The following PRKD1 variants were observed in gnomAD, a reference collection of about 807,000 sequenced individuals.
The protein encoded by PRKD1 is serine/threonine-protein kinase D1.
A neutral mutation model predicts 95.9 loss-of-function variants in PRKD1; 63 were observed. The ratio of observed to expected loss-of-function variants is 0.66; its 90% CI spans 0.54 to 0.81. The LOEUF (loss-of-function observed/expected upper bound fraction) is 0.81, where lower values mean the gene tolerates loss of function less well. PRKD1 is among the 30% of genes least tolerant of loss of function. PRKD1 has a pLI of 0.00. For missense variants in PRKD1, 1,048 were observed against 1,165.3 expected (o/e 0.90, Z 1.47); for synonymous variants, 425 against 423.1 (o/e 1.00, Z -0.05).
intron 1 of PRKD1, among the ~76,000 whole-genome samples, chr14:29,732,819 C>T (rs916615861): frequency 7.4e-5 from 11 of 149,120 alleles, no homozygotes; most frequent in African/African-American, 2.7e-4. Context: ...GTTATCTGTT[C>T]CCCTGTATGC....
Position 29,849,518 on chromosome 14 carries a change from G to C in PRKD1, c.264+77731C>G, listed in dbSNP as rs995006375. On this transcript the variant is annotated intron_variant, in intron 1 of 17. Coordinates refer to ENST00000331968, the MANE Select transcript of PRKD1 (RefSeq NM_002742.3). ...TGAATCAGGAAGAAACTGAAACTCT[G>C]AACAGAACATGAGTTAAAAAACTGA... is the stretch of plus-strand genomic sequence containing the variant. Among the ~76,000 whole-genome samples, 22 of 151,288 alleles carry C rather than the reference G, an allele frequency of 1.5e-4. No homozygotes were observed. In the East Asian group the frequency reaches 3.9e-3, roughly 27 times the overall value.
intron 1 of PRKD1, among the ~76,000 whole-genome samples, chr14:29,836,589 G>A (rs1891620160): frequency 6.6e-6 from 1 of 152,134 alleles, no homozygotes; most frequent in South Asian, 2.1e-4. Context: ...CGTGTGAGTA[G>A]GCAGTGGGAA....
chr14:29,795,785 G>A (rs924502657), intron 1 of PRKD1, among the ~76,000 whole-genome samples: 5 of 152,024 alleles, frequency 3.3e-5, no homozygotes, highest in African/African-American at 1.2e-4. Flanking sequence ...ACATTTTCAT[G>A]CCCAAAAATA....
At chr14:29,603,200 A>G (rs1210856099) in intron 13 of PRKD1, among the ~76,000 whole-genome samples, 4 of 152,216 alleles carry the variant, frequency 2.6e-5, no homozygotes, top group African/African-American at 9.6e-5. Flanking sequence ...CCCAAAGTAC[A>G]TATTGAATGA....
chr14:29,624,562 T>C (rs1879490320), intron 12 of PRKD1, among the ~76,000 whole-genome samples: 1 of 152,132 alleles, frequency 6.6e-6, no homozygotes, highest in South Asian at 2.1e-4. Flanking sequence ...AGTTACTTAG[T>C]ATAGAAAATA....
chr14:29,659,235 A>G (rs1257707088), intron 4 of PRKD1, among the ~76,000 whole-genome samples: 1 of 152,180 alleles, frequency 6.6e-6, no homozygotes, highest in Non-Finnish European at 1.5e-5. Flanking sequence ...TGAACTTCAT[A>G]TACTGGATTC....
chr14:29,863,688 T>A (rs895340198), intron 1 of PRKD1, among the ~76,000 whole-genome samples: 6 of 152,096 alleles, frequency 3.9e-5, no homozygotes, highest in Non-Finnish European at 7.4e-5. Context: ...TTAACCAAAG[T>A]ACATGAGGAA....
intron 13 of PRKD1, among the ~76,000 whole-genome samples, chr14:29,613,930 T>A (rs564944723): frequency 6.6e-6 from 1 of 152,230 alleles, no homozygotes; most frequent in Non-Finnish European, 1.5e-5. Flanking sequence ...TTTGTATCCC[T>A]ACTATGTGGA....
At position 29,584,997 on chromosome 14, in the gene PRKD1, T is replaced by C. The variant is rs535870717; in HGVS notation, c.2435-6637A>G. On this transcript the variant is annotated intron_variant, in intron 16 of 17. Transcript: ENST00000331968. ...AAATAGAAACCAGATAGAACAATCATTCTGGTGATAGAGCCTTCGCCAATC... is the reference window on the plus strand; with the variant it reads ...AAATAGAAACCAGATAGAACAATCACTCTGGTGATAGAGCCTTCGCCAATC... Among the ~76,000 whole-genome samples the C allele has an allele frequency of 3.3e-5, 5 of 152,256 alleles. No homozygotes were observed. The South Asian group carries it at 1.0e-3, about 32-fold the overall frequency.
intron 13 of PRKD1, among the ~76,000 whole-genome samples, chr14:29,615,646 G>A (rs1446983087): frequency 6.6e-6 from 1 of 152,164 alleles, no homozygotes. Context: ...CTTCCACAGC[G>A]ATTCTGACTT....
At chr14:29,629,127 AAGTC>A (rs746502983) in intron 10 of PRKD1, 34 bp from the exon 11 acceptor site, 1 of 1,572,970 alleles carries the variant, frequency 6.4e-7, no homozygotes, top group Non-Finnish European at 8.7e-7. Flanking sequence ...TGCACACAAA[AAGTC>A]AGTAAGAGAT....
intron 1 of PRKD1, among the ~76,000 whole-genome samples, chr14:29,772,420 G>A (rs1225445908): frequency 2.0e-5 from 3 of 152,144 alleles, no homozygotes; most frequent in Non-Finnish European, 2.9e-5. Flanking sequence ...GAATCTGCTG[G>A]TGCTTTCATC....
chr14:29,767,139 T>C (rs1207068899), intron 1 of PRKD1, among the ~76,000 whole-genome samples: 2 of 152,136 alleles, frequency 1.3e-5, no homozygotes, highest in Non-Finnish European at 2.9e-5. Flanking sequence ...CTCCTGAATC[T>C]TTTCTTCTCC....
chr14:29,602,672 G>A (rs1294565534), intron 13 of PRKD1, among the ~76,000 whole-genome samples: 4 of 151,734 alleles, frequency 2.6e-5, no homozygotes, highest in East Asian at 1.9e-4. Flanking sequence ...GAAGTGATCC[G>A]CCCACCTTGG....
intron 1 of PRKD1, among the ~76,000 whole-genome samples, chr14:29,793,844 C>T (rs2139200367): frequency 6.6e-6 from 1 of 151,832 alleles, no homozygotes; most frequent in South Asian, 2.1e-4. Flanking sequence ...ACAGGTGTGT[C>T]TTTGCACTAA....
At chr14:29,699,464 T>A (rs1245035791) in intron 2 of PRKD1, among the ~76,000 whole-genome samples, 1 of 152,218 alleles carries the variant, frequency 6.6e-6, no homozygotes, top group Non-Finnish European at 1.5e-5. Flanking sequence ...TTAGTTCTTC[T>A]GTAAACTGTC....
chr14:29,919,744 T>A (rs1217531675), intron 1 of PRKD1, among the ~76,000 whole-genome samples: 5 of 145,602 alleles, frequency 3.4e-5, no homozygotes, highest in African/African-American at 1.4e-4. Context: ...AGGTGGGTCA[T>A]CACTTGAGCA....
At position 29,775,235 on chromosome 14, in the gene PRKD1, G is replaced by A. The variant is rs541643769; in HGVS notation, c.265-49561C>T. Among the ~76,000 whole-genome samples, 3 of 152,358 alleles carry A rather than the reference G, an allele frequency of 2.0e-5. 1 individual carries two copies. In the South Asian group the frequency reaches 6.2e-4, roughly 32 times the overall value. Reference sequence around the variant, plus strand: ...CCAGTGTGAGCGACGCAGAAGGCGGGTGATTTCTGCATTTCCAACTGAGGT... The same window carrying A: ...CCAGTGTGAGCGACGCAGAAGGCGGATGATTTCTGCATTTCCAACTGAGGT... On this transcript the variant is annotated intron_variant, in intron 1 of 17. Transcript: ENST00000331968.
At chr14:29,651,325 C>G (rs1259286684) in intron 4 of PRKD1, among the ~76,000 whole-genome samples, 2 of 152,158 alleles carry the variant, frequency 1.3e-5, no homozygotes, top group African/African-American at 4.8e-5. Flanking sequence ...CCACTAAAAA[C>G]TGGGCTATTT....
Sources: gnomAD v4.1 joint callset for allele counts (sites outside exome capture counted in the v4.1 genomes callset) on GRCh38, gnomAD v4.1.1 for gene constraint, MANE v1.5 for transcripts, NCBI Gene and HGNC (gene_info 2026-07-23, HGNC 2026-07-21) for gene names.